The following GAL3ST2 variants were observed in gnomAD, a reference collection of about 807,000 sequenced individuals.
GAL3ST2 encodes the protein beta-galactose-3-O-sulfotransferase 2.
GAL3ST2 carries 16 observed loss-of-function variants against 12.9 expected under a neutral mutation model. The ratio of observed to expected loss-of-function variants is 1.24; its 90% CI spans 0.84 to 1.88. GAL3ST2 has a LOEUF of 1.88. Ranked by LOEUF, GAL3ST2 falls within the 40% of genes most tolerant of loss-of-function variation. GAL3ST2 has a pLI of 0.00. For synonymous variants in GAL3ST2, 302 were observed against 273.9 expected (o/e 1.10, Z -1.01); for missense variants, 639 against 571.8 (o/e 1.12, Z -1.20).
chr2:241,777,903 C>T (rs1015018822), intron 1 of GAL3ST2, among the ~76,000 whole-genome samples: 2 of 152,120 alleles, frequency 1.3e-5, no homozygotes, highest in East Asian at 1.9e-4. Context: ...TCGGCCAGGG[C>T]GGGTGTGCCT....
chr2:241,789,422 G>A (rs1335645070), intron 1 of GAL3ST2, among the ~76,000 whole-genome samples: 5 of 152,074 alleles, frequency 3.3e-5, no homozygotes, highest in South Asian at 2.1e-4. Flanking sequence ...CTTTCTCTTC[G>A]TACCTTACTA....
At chr2:241,780,335 A>G (rs901659269) in intron 1 of GAL3ST2, among the ~76,000 whole-genome samples, 1 of 152,186 alleles carries the variant, frequency 6.6e-6, no homozygotes, top group Non-Finnish European at 1.5e-5. Flanking sequence ...CCTGGCCAAC[A>G]TGGTGAAACC....
chr2:241,782,529 T>C (rs1161698956), intron 1 of GAL3ST2, among the ~76,000 whole-genome samples: 1 of 152,158 alleles, frequency 6.6e-6, no homozygotes, highest in Admixed American at 6.5e-5. Context: ...TTTCACCATG[T>C]TGGCCAGGCT....
At chr2:241,796,026 G>A (rs1184524569) in intron 1 of GAL3ST2, among the ~76,000 whole-genome samples, 2 of 152,228 alleles carry the variant, frequency 1.3e-5, no homozygotes, top group Non-Finnish European at 2.9e-5. Flanking sequence ...TGGAGTCTGA[G>A]GTGCCGCGTG....
chr2:241,799,294 TG>T lies in GAL3ST2; in HGVS notation c.119+146del, dbSNP rs933205480. 11 of 783,274 alleles carry T rather than the reference TG, an allele frequency of 1.4e-5. No individual in the cohort carries two copies. The African/African-American group carries it at 1.9e-4, about 13-fold the overall frequency. 48.5% of individuals were successfully genotyped at this position (783,274 alleles called of 1,614,324 possible). On this transcript the variant is annotated intron_variant, in intron 2 of 3. Transcript: ENST00000192314. ...GAGGAGGGGTGGATGGGCCCTTCCT[TG>T]GGGGGACCCTGAGAGTCTCCTGTTA...
chr2:241,778,715 T>G (rs1208499702), intron 1 of GAL3ST2, among the ~76,000 whole-genome samples: 2 of 151,872 alleles, frequency 1.3e-5, no homozygotes, highest in African/African-American at 4.8e-5. Context: ...CCCAAGGTGG[T>G]CAGGGCACAG....
At chr2:241,779,214 ATTTTTTTTTTTTTTTTTTTT>A (rs56979777) in intron 1 of GAL3ST2, among the ~76,000 whole-genome samples, 19 of 54,552 alleles carry the variant, frequency 3.5e-4, no homozygotes, top group East Asian at 1.3e-3. Context: ...AGGAAAGCTC[ATTTTTTTTTTTTTTTTTTTT>A]TTTTTTTTTT....
intron 1 of GAL3ST2, among the ~76,000 whole-genome samples, chr2:241,788,705 C>T (rs937132222): frequency 6.6e-6 from 1 of 152,070 alleles, no homozygotes; most frequent in African/African-American, 2.4e-5. Context: ...AGGGAAATCC[C>T]CTCAAAAGTT....
chr2:241,776,925 A>C lies in GAL3ST2; in HGVS notation c.-31A>C. Reference sequence around the variant, plus strand: ...GGACCTCGGGGGAGCTCAAGCCTCGACTGTCCCCTCGCTGGAGGCCAGAGG... The same window carrying C: ...GGACCTCGGGGGAGCTCAAGCCTCGCCTGTCCCCTCGCTGGAGGCCAGAGG... On this transcript the variant is annotated 5_prime_UTR_variant, in exon 1 of 4. Coordinates refer to ENST00000192314, the MANE Select transcript of GAL3ST2 (RefSeq NM_022134.3). The C allele has an allele frequency of 6.6e-7, 1 of 1,515,536 alleles. No homozygotes were observed. The highest frequency in any genetic ancestry group is 8.9e-7 in the Non-Finnish European group (1 of 1,125,022). 93.9% of individuals were successfully genotyped at this position (1,515,536 alleles called of 1,614,324 possible).
Position 241,802,044 on chromosome 2 carries a change from G to C in GAL3ST2, c.375+8G>C. 6.2e-7 allele frequency: 1 copy of C among 1,602,836 alleles called. No homozygotes were observed. Among genetic ancestry groups the C allele is most frequent in the Non-Finnish European group, 8.5e-7 (1 of 1,174,994 alleles). On this transcript the variant is annotated splice_region_variant and intron_variant, in intron 3 of 3. Coordinates refer to ENST00000192314, the MANE Select transcript of GAL3ST2 (RefSeq NM_022134.3). The surrounding 1 kb of genome is among the most constrained non-coding windows in gnomAD (Gnocchi z 4.8). The stretch of plus-strand genomic sequence containing the variant: ...AGGTTCAACCTGCCTCAGGTACCGC[G>C]GGCCTGCTGGGGAGGAGGGCGGGCT...
intron 2 of GAL3ST2, 52 bp downstream of exon 2, chr2:241,799,206 C>G (rs375402641): frequency 9.4e-6 from 14 of 1,489,294 alleles, no homozygotes; most frequent in Non-Finnish European, 1.3e-5. Context: ...CTAACAGCCC[C>G]GAGGACAGAG....
Position 241,793,863 on chromosome 2 carries a change from G to A in GAL3ST2, c.30-5202G>A, listed in dbSNP as rs557128920. Among the ~76,000 whole-genome samples the A allele has an allele frequency of 6.6e-6, 1 of 152,234 alleles. No individual in the cohort carries two copies. Among genetic ancestry groups the A allele is most frequent in the South Asian group, 2.1e-4 (1 of 4,824 alleles). On this transcript the variant is annotated intron_variant, in intron 1 of 3. Coordinates refer to ENST00000192314, the MANE Select transcript of GAL3ST2 (RefSeq NM_022134.3). This position sits in a 1 kb window ranked among gnomAD's most constrained non-coding sequence, Gnocchi z 4.7. ...AAACCATCGCCATAAGAATTTGCAT[G>A]AGTCTTCCTCATAGTCAACAAGGTT...
rs766663521 is a variant in GAL3ST2 at position 241,801,876 on chromosome 2, A to T, written c.215A>T (p.Tyr72Phe). The T allele has an allele frequency of 6.2e-7, 1 of 1,612,846 alleles. No individual in the cohort carries two copies. Among genetic ancestry groups the T allele is most frequent in the Non-Finnish European group, 8.5e-7 (1 of 1,179,936 alleles). ...AGCAGCACGGTGCTCAACATCCTCT[A>T]CCGCTTCGCCGAGACCCACAACCTG... ...TASSTVLNILYRFAETHNLSV... is the reference protein window; with the variant it reads ...TASSTVLNILFRFAETHNLSV... Residue 72 changes from tyrosine to phenylalanine, a missense_variant, in exon 3 of 4, where the codon TAC (tyrosine) becomes TTC (phenylalanine). Physicochemically the swap from Tyr to Phe is conservative, Grantham distance 22. Transcript: ENST00000192314. The surrounding 1 kb of genome is among the most constrained non-coding windows in gnomAD (Gnocchi z 4.4).
At chr2:241,786,139 T>TTGTGTG (rs141438054) in intron 1 of GAL3ST2, among the ~76,000 whole-genome samples, 27,886 of 145,790 alleles carry the variant, frequency 0.19, 3,070 homozygotes, top group African/African-American at 0.32. Flanking sequence ...CACACACCTT[T>TTGTGTG]TGTGTGTGTG....
chr2:241,780,535 CA>C (rs1420555001), intron 1 of GAL3ST2, among the ~76,000 whole-genome samples: 1 of 151,992 alleles, frequency 6.6e-6, no homozygotes, highest in African/African-American at 2.4e-5. Context: ...AAAATGACAA[CA>C]AAAAAGAAAC....
intron 1 of GAL3ST2, among the ~76,000 whole-genome samples, chr2:241,798,601 CTG>C (rs1423155122): frequency 1.3e-5 from 2 of 152,204 alleles, no homozygotes; most frequent in Non-Finnish European, 2.9e-5. Flanking sequence ...CACCATCACG[CTG>C]TGTGTTAGGG....
intron 1 of GAL3ST2, among the ~76,000 whole-genome samples, chr2:241,785,578 A>T (rs1423489369): frequency 1.3e-5 from 2 of 150,368 alleles, no homozygotes; most frequent in Non-Finnish European, 3.0e-5. Flanking sequence ...AAAAGCTGAG[A>T]CGAACTTGTC....
At chr2:241,799,230 C>A in intron 2 of GAL3ST2, 76 bp downstream of exon 2, 1 of 1,257,678 alleles carries the variant, frequency 8.0e-7, no homozygotes, top group East Asian at 2.3e-5. Flanking sequence ...GGGACCCCAG[C>A]ATGATCACGC....
rs1020788034 is a variant in GAL3ST2, at chr2:241,800,371, G to T, written c.119+1217G>T. On this transcript the variant is annotated intron_variant, in intron 2 of 3. Coordinates refer to ENST00000192314, the MANE Select transcript of GAL3ST2 (RefSeq NM_022134.3). This position sits in a 1 kb window ranked among gnomAD's most constrained non-coding sequence, Gnocchi z 5.2. ...GGGAGCGGGCACTTCGAGGGAGGGG[G>T]TGGGACAGGGGCTTACGCTGAACGG... Among the ~76,000 whole-genome samples the T allele has an allele frequency of 5.9e-5, 9 of 151,968 alleles. No individual in the cohort carries two copies. In the South Asian group the frequency reaches 1.0e-3, roughly 17 times the overall value.
Sources: allele counts gnomAD v4.1 joint callset (sites outside exome capture counted in the v4.1 genomes callset), GRCh38; gene constraint gnomAD v4.1.1; non-coding constraint Gnocchi (gnomAD v3.1); transcripts MANE v1.5; gene names NCBI Gene and HGNC (gene_info 2026-07-23, HGNC 2026-07-21).